Variants in POTEC observed in about 807,000 individuals in gnomAD.
The protein encoded by POTEC is POTE ankyrin domain family member C, also known as ANKRD26-like family B member 2.
POTEC carries 35 observed loss-of-function variants against 62.0 expected under a neutral mutation model. The ratio of observed to expected loss-of-function variants is 0.56; its 90% CI spans 0.43 to 0.75. The LOEUF (loss-of-function observed/expected upper bound fraction) is 0.75. Among genes scored for constraint, POTEC ranks in the 30% least tolerant of loss-of-function variants. The pLI is 0.00. For missense variants in POTEC, 472 were observed against 655.9 expected (o/e 0.72, Z 3.06); for synonymous variants, 156 against 221.5 (o/e 0.70, Z 2.62).
At chr18:14,516,859 G>A (rs561602420) in intron 9 of POTEC, among the ~76,000 whole-genome samples, 1 of 151,802 alleles carries the variant, frequency 6.6e-6, no homozygotes, top group Non-Finnish European at 1.5e-5. Context: ...TTTAAATGAG[G>A]TAAAGTTGTA....
At chr18:14,536,659 C>G (rs1905722637) in intron 3 of POTEC, among the ~76,000 whole-genome samples, 1 of 152,146 alleles carries the variant, frequency 6.6e-6, no homozygotes, top group African/African-American at 2.4e-5. Flanking sequence ...ATGCACAACT[C>G]TAGCTGGAAG....
Position 14,542,656 on chromosome 18 carries a change from G to A in POTEC, c.491C>T (p.Thr164Met), listed in dbSNP as rs750721378. 4 of 1,612,694 alleles carry A rather than the reference G, an allele frequency of 2.5e-6. No homozygotes were observed. The highest frequency in any genetic ancestry group is 3.3e-5 in the Admixed American group (2 of 60,002). The part of the protein sequence containing the change: ...RKDLIVMLRD[T>M]DMNKRDKQKR... The stretch of plus-strand genomic sequence containing the variant: ...TTGCTTGTCCCTCTTGTTCATGTCC[G>A]TGTCCCTGAGCATGACGATGAGATC... The change falls in exon 1 of 11, where the codon ACG becomes ATG. Residue 164 changes from threonine (T) to methionine (M), a missense_variant. Thr to Met is a moderately conservative substitution (Grantham distance 81, BLOSUM62 -1). Around this residue, in one of 5 missense-constraint regions of POTEC, gnomAD observed 257 missense variants for 250.7 expected, o/e 1.03. Transcript: ENST00000358970.
rs1282849847 is a variant in POTEC, at chr18:14,542,827, G to A, written c.320C>T (p.Pro107Leu). 4 of 1,613,256 alleles carry A rather than the reference G, an allele frequency of 2.5e-6. No homozygotes were observed. Among genetic ancestry groups the A allele is most frequent in the African/African-American group, 1.3e-5 (1 of 74,752 alleles). The change falls in exon 1 of 11, where the codon CCC becomes CTC. Residue 107 changes from proline to leucine, a missense_variant. Pro to Leu is a moderately conservative substitution (Grantham distance 98). This residue lies in a region of POTEC where 257 missense variants were observed against 250.7 expected (regional missense o/e 1.03). Coordinates refer to ENST00000358970, the MANE Select transcript of POTEC (RefSeq NM_001137671.2). ...GCTCTTGCCGCTCCCCCTGCAGCAGGGGAAGCAGTGACAGCACCACTTGCC... is the reference window on the plus strand; with the variant it reads ...GCTCTTGCCGCTCCCCCTGCAGCAGAGGAAGCAGTGACAGCACCACTTGCC... ...KMGKWCCHCFPCCRGSGKSNV... is the reference protein window; with the variant it reads ...KMGKWCCHCFLCCRGSGKSNV...
chr18:14,518,455 T>C (rs943024676), intron 9 of POTEC, among the ~76,000 whole-genome samples: 2 of 151,640 alleles, frequency 1.3e-5, no homozygotes, highest in Middle Eastern at 3.2e-3. Context: ...CTCTAAGAAA[T>C]GATGACATAA....
intron 3 of POTEC, among the ~76,000 whole-genome samples, chr18:14,535,344 C>G (rs1210573680): frequency 6.7e-6 from 1 of 149,610 alleles, no homozygotes; most frequent in Non-Finnish European, 1.5e-5. Context: ...TATCTTTTAT[C>G]TCTATATTAT....
intron 9 of POTEC, among the ~76,000 whole-genome samples, chr18:14,516,314 A>ATG (rs1243095590): frequency 4.6e-5 from 3 of 64,676 alleles, no homozygotes; most frequent in Non-Finnish European, 8.6e-5. Flanking sequence ...ATATATATAT[A>ATG]TATATATATA....
In POTEC at chr18:14,542,997, G is replaced by A. The variant is rs773018639; in HGVS notation, c.150C>T (p.Asp50=). ...TCCTGAGCATCTTCATAAAGGAGTC[G>A]TCGTGGTCTCCAGAAGTGCCCATGT... ...KSNMGTSGDH[D]DSFMKMLRSK... Residue 50 remains aspartate (D), a synonymous_variant, in exon 1 of 11, where the codon GAC becomes GAT. Transcript: ENST00000358970. 5 of 1,612,796 alleles carry A rather than the reference G, an allele frequency of 3.1e-6. No homozygotes were observed. The highest frequency in any genetic ancestry group is 1.3e-5 in the African/African-American group (1 of 74,714).
chr18:14,524,893 A>T lies in POTEC; in HGVS notation c.1197+20T>A, dbSNP rs1409426988. 3 of 1,603,512 alleles carry T rather than the reference A, an allele frequency of 1.9e-6. No individual in the cohort carries two copies. Among genetic ancestry groups the T allele is most frequent in the African/African-American group, 2.7e-5 (2 of 74,312 alleles). On this transcript the variant is annotated intron_variant, in intron 7 of 10. Transcript: ENST00000358970. ...GAAAACAACATTAAATCAAAAATTT[A>T]AATTTAAAATTTTCCATGCCTCTGG...
intron 9 of POTEC, among the ~76,000 whole-genome samples, chr18:14,521,641 C>G (rs1430422531): frequency 3.9e-5 from 6 of 152,062 alleles, no homozygotes; most frequent in African/African-American, 1.4e-4. Context: ...AATTAATGTT[C>G]AAAATGTATT....
chr18:14,543,061 T>G lies in POTEC; in HGVS notation c.86A>C (p.His29Pro), dbSNP rs1198645576. The G allele has an allele frequency of 2.5e-6, 4 of 1,604,980 alleles. No homozygotes were observed. In the South Asian group the frequency reaches 4.4e-5, roughly 18 times the overall value. ...CCCCTTGCAGCAGGGGAAGCGGTGG[T>G]GAAACCACTTGCCCATCTTGCTCCT... ...DLRSKMGKWF[H>P]HRFPCCKGSG... Residue 29 changes from histidine (H) to proline (P), a missense_variant, in exon 1 of 11, where the codon CAC (histidine) becomes CCC (proline). Coordinates refer to ENST00000358970, the MANE Select transcript of POTEC (RefSeq NM_001137671.2).
At chr18:14,513,515 C>T in intron 10 of POTEC, 147 bp downstream of exon 10, 1 of 1,311,862 alleles carries the variant, frequency 7.6e-7, no homozygotes. Context: ...CAAGGATATA[C>T]AGGGTGTGTG....
intron 9 of POTEC, among the ~76,000 whole-genome samples, chr18:14,515,602 T>C (rs1250345387): frequency 6.6e-6 from 1 of 151,836 alleles, no homozygotes; most frequent in Admixed American, 6.6e-5. Context: ...AGGCAAATAA[T>C]TTATGATGAG....
chr18:14,536,418 A>G (rs1026002257), intron 3 of POTEC, among the ~76,000 whole-genome samples: 5 of 151,994 alleles, frequency 3.3e-5, no homozygotes, highest in African/African-American at 1.2e-4. Context: ...TTGTTGTTAG[A>G]GACAGGGTCT....
chr18:14,538,509 T>C (rs1241626104), intron 1 of POTEC, among the ~76,000 whole-genome samples: 1 of 152,116 alleles, frequency 6.6e-6, no homozygotes, highest in Non-Finnish European at 1.5e-5. Context: ...TGTCGCTTCC[T>C]AGCTGTTGCT....
intron 6 of POTEC, among the ~76,000 whole-genome samples, chr18:14,525,772 T>A (rs542937606): frequency 7.9e-5 from 12 of 152,272 alleles, no homozygotes; most frequent in Non-Finnish European, 1.8e-4. Flanking sequence ...TGCCTCCTGT[T>A]TTCTGCAAAA....
At chr18:14,538,342 C>A (rs1184318919) in intron 1 of POTEC, 93 bp from the exon 2 acceptor site, 8 of 718,842 alleles carry the variant, frequency 1.1e-5, no homozygotes, top group Non-Finnish European at 1.9e-5. Flanking sequence ...TAGCCTATTA[C>A]TCTGCCTTCA....
At position 14,529,694 on chromosome 18, in the gene POTEC, T is replaced by C. The variant is rs1905434385; in HGVS notation, c.1126+789A>G. Among the ~76,000 whole-genome samples the C allele has an allele frequency of 2.0e-5, 3 of 152,134 alleles. No homozygotes were observed. The South Asian group carries it at 6.2e-4, about 31-fold the overall frequency. On this transcript the variant is annotated intron_variant, in intron 6 of 10. Coordinates refer to ENST00000358970, the MANE Select transcript of POTEC (RefSeq NM_001137671.2). ...TTTGGTAAATGGTAGCAGAGCATCT[T>C]GTTCTAACAAAATTACTGTTATCAA...
chr18:14,531,513 G>A (rs565332855), intron 5 of POTEC, among the ~76,000 whole-genome samples: 28 of 151,968 alleles, frequency 1.8e-4, no homozygotes, highest in Middle Eastern at 3.4e-3. Flanking sequence ...ATTTTGCATC[G>A]AACACATTAT....
At chr18:14,540,075 ATAAC>A (rs1432843438) in intron 1 of POTEC, among the ~76,000 whole-genome samples, 1 of 141,522 alleles carries the variant, frequency 7.1e-6, no homozygotes, top group African/African-American at 2.7e-5. Flanking sequence ...TCATAAATAT[ATAAC>A]TAAACTAAAA....
Sources: gnomAD v4.1 joint callset for allele counts (sites outside exome capture counted in the v4.1 genomes callset) on GRCh38, gnomAD v4.1.1 for gene constraint, gnomAD v4.1.1 regional missense constraint, MANE v1.5 for transcripts, NCBI Gene and HGNC (gene_info 2026-07-23, HGNC 2026-07-21) for gene names.